Variants in SGSM2 observed in about 807,000 individuals in gnomAD.
SGSM2 encodes small G protein signaling modulator 2, also known as RUN and TBC1 domain containing 1.
SGSM2 carries 89 observed loss-of-function variants against 126.6 expected under a neutral mutation model. That is an observed-to-expected ratio of 0.70 (90% CI 0.59 to 0.84). The LOEUF is 0.84. SGSM2 is among the 40% of genes least tolerant of loss of function. SGSM2 has a pLI of 0.00. For missense variants in SGSM2, 1,404 were observed against 1,416.6 expected (o/e 0.99, Z 0.14); for synonymous variants, 614 against 574.3 (o/e 1.07, Z -0.99).
rs1248851396 is a variant in SGSM2, at chr17:2,371,459, A to G, written c.1577+44A>G. 2.6e-6 allele frequency: 4 copies of G among 1,547,472 alleles called. No individual in the cohort carries two copies. In the Admixed American group the frequency reaches 7.5e-5, roughly 29 times the overall value. On this transcript the variant is annotated intron_variant, in intron 13 of 23. Coordinates refer to ENST00000268989, the MANE Select transcript of SGSM2 (RefSeq NM_014853.3). The stretch of plus-strand genomic sequence containing the variant: ...GCCCCAGCTTCCCGTTAGCGTGTCC[A>G]GCCACGTGTGTGTCCGTCTGTCCTT...
rs551174935 is a variant in SGSM2 at position 2,364,318 on chromosome 17, C to T, written c.932+135C>T. The T allele has an allele frequency of 1.6e-4, 190 of 1,193,406 alleles. No homozygotes were observed. In the East Asian group the frequency reaches 3.5e-3, roughly 22 times the overall value. 73.9% of individuals were successfully genotyped at this position (1,193,406 alleles called of 1,614,324 possible). A position where few individuals can be genotyped will look rare whatever the true frequency, so the allele number is the denominator to read the frequency against. ...TTTGGACGCCAAGAATAGCAGGGAG[C>T]GGCTGCCTGGAGTGATTCCCAAGCT... is the stretch of plus-strand genomic sequence containing the variant. On this transcript the variant is annotated intron_variant, in intron 8 of 23. Coordinates refer to ENST00000268989, the MANE Select transcript of SGSM2 (RefSeq NM_014853.3).
At position 2,379,173 on chromosome 17, in the gene SGSM2, G is replaced by A. The variant is rs1485457625; in HGVS notation, c.3037G>A (p.Asp1013Asn). ...AGAGATCATCCGTGACAACAACATG[G>A]ACTTCACTGACATCATCAAGTTTTT... ...YREIIRDNNMDFTDIIKFFNE... is the reference protein window; with the variant it reads ...YREIIRDNNMNFTDIIKFFNE... Residue 1013 changes from aspartate to asparagine, a missense_variant, in exon 23 of 24, where the codon GAC becomes AAC. Transcript: ENST00000268989. The A allele has an allele frequency of 6.2e-7, 1 of 1,614,124 alleles. No homozygotes were observed. The highest frequency in any genetic ancestry group is 8.5e-7 in the Non-Finnish European group (1 of 1,180,014).
chr17:2,375,435 G>T, intron 17 of SGSM2, 57 bp from the exon 18 acceptor site: 1 of 1,539,478 alleles, frequency 6.5e-7, no homozygotes, highest in Non-Finnish European at 8.8e-7. Flanking sequence ...CGAGGAGGCG[G>T]TGGGCTGCGG....
intron 2 of SGSM2, among the ~76,000 whole-genome samples, chr17:2,357,958 G>A (rs536062397): frequency 2.6e-5 from 4 of 152,332 alleles, no homozygotes; most frequent in Middle Eastern, 6.8e-3. Flanking sequence ...CAGGGTGGCC[G>A]TAGCTGGTGC....
At chr17:2,345,771 C>T (rs778609631) in intron 2 of SGSM2, among the ~76,000 whole-genome samples, 3 of 152,046 alleles carry the variant, frequency 2.0e-5, no homozygotes, top group Admixed American at 2.0e-4. Flanking sequence ...CCAACAGTAT[C>T]GGGCTAAGTC....
In SGSM2 at chr17:2,337,939, C is replaced by T. The variant is rs2064155997; in HGVS notation, c.57+194C>T. Among the ~76,000 whole-genome samples the T allele has an allele frequency of 6.6e-6, 1 of 152,004 alleles. No homozygotes were observed. Among genetic ancestry groups the T allele is most frequent in the Admixed American group, 6.5e-5 (1 of 15,276 alleles). Reference sequence around the variant, plus strand: ...GCAGCGCCCCTCTGCCCGGGGGACCCGGCCGGCGCTCCCGGCTTGTTTGCT... The same window carrying T: ...GCAGCGCCCCTCTGCCCGGGGGACCTGGCCGGCGCTCCCGGCTTGTTTGCT... On this transcript the variant is annotated intron_variant, in intron 1 of 23. Coordinates refer to ENST00000268989, the MANE Select transcript of SGSM2 (RefSeq NM_014853.3). The surrounding 1 kb of genome is among the most constrained non-coding windows in gnomAD (Gnocchi z 5.1).
intron 2 of SGSM2, 60 bp downstream of exon 2, chr17:2,343,680 G>C (rs1237278199): frequency 3.3e-6 from 5 of 1,507,556 alleles, no homozygotes; most frequent in Non-Finnish European, 4.6e-6. Flanking sequence ...ACTGGCCTGG[G>C]GCCAGGAAAA....
chr17:2,354,339 C>A (rs890715480), intron 2 of SGSM2, among the ~76,000 whole-genome samples: 18 of 152,296 alleles, frequency 1.2e-4, no homozygotes, highest in Admixed American at 5.9e-4. Flanking sequence ...TGAGCCACCG[C>A]GCCCAGCCAA....
intron 2 of SGSM2, among the ~76,000 whole-genome samples, chr17:2,354,508 A>G (rs1051278165): frequency 6.6e-6 from 1 of 152,190 alleles, no homozygotes; most frequent in African/African-American, 2.4e-5. Flanking sequence ...GAGTTGCATG[A>G]TATTCTGCTA....
chr17:2,378,046 T>C lies in SGSM2; in HGVS notation c.2899+93T>C, dbSNP rs1337982402. Reference sequence around the variant, plus strand: ...ACAGTTCTCAATCCTAACTGGACCTTGGAACCACCTGGGGAGCTTTAAAAC... The same window carrying C: ...ACAGTTCTCAATCCTAACTGGACCTCGGAACCACCTGGGGAGCTTTAAAAC... On this transcript the variant is annotated intron_variant, in intron 22 of 23. Transcript: ENST00000268989. 4 of 770,762 alleles carry C rather than the reference T, an allele frequency of 5.2e-6. No homozygotes were observed. In the East Asian group the frequency reaches 1.1e-4, roughly 21 times the overall value. The allele number at this position is 770,762 out of a possible 1,614,324, so 47.7% of individuals were successfully genotyped here. A position where few individuals can be genotyped will look rare whatever the true frequency, so the allele number is the denominator to read the frequency against.
At position 2,363,945 on chromosome 17, in the gene SGSM2, C is replaced by G. The variant is rs991593973; in HGVS notation, c.808-114C>G. The G allele has an allele frequency of 1.5e-6, 2 of 1,335,394 alleles. No individual in the cohort carries two copies. The highest frequency in any genetic ancestry group is 2.1e-6 in the Non-Finnish European group (2 of 946,700). 82.7% of individuals were successfully genotyped at this position (1,335,394 alleles called of 1,614,324 possible). On this transcript the variant is annotated intron_variant, in intron 7 of 23. Coordinates refer to ENST00000268989, the MANE Select transcript of SGSM2 (RefSeq NM_014853.3). The surrounding 1 kb of genome is among the most constrained non-coding windows in gnomAD (Gnocchi z 4.2). ...CTGCCCCGTCCCTAGTCCAGGACCC[C>G]GTGACTAGCCTAGCTTGGCCTCCCC...
At chr17:2,378,631 G>A (rs886080082) in intron 22 of SGSM2, among the ~76,000 whole-genome samples, 1 of 152,188 alleles carries the variant, frequency 6.6e-6, no homozygotes. Context: ...AACTCTCATA[G>A]ATCATAGTTT....
intron 11 of SGSM2, among the ~76,000 whole-genome samples, chr17:2,365,736 A>G (rs904127657): frequency 5.3e-4 from 78 of 148,026 alleles, no homozygotes; most frequent in South Asian, 1.1e-3. Flanking sequence ...GTATGGGACC[A>G]GCGCTACTTT....
intron 8 of SGSM2, 187 bp from the exon 9 acceptor site, chr17:2,364,409 C>T (rs924498883): frequency 2.2e-5 from 18 of 812,184 alleles, no homozygotes; most frequent in Middle Eastern, 2.7e-4. Flanking sequence ...GCGGCTGAGA[C>T]GGACAGCTGT....
intron 12 of SGSM2, among the ~76,000 whole-genome samples, chr17:2,368,966 C>T (rs1308125845): frequency 6.6e-6 from 1 of 152,204 alleles, no homozygotes; most frequent in East Asian, 1.9e-4. Flanking sequence ...GGGCTGAGGC[C>T]TCCGGGATCA....
Position 2,380,455 on chromosome 17 carries a change from C to A in SGSM2, c.*935C>A. On this transcript the variant is annotated 3_prime_UTR_variant, in exon 24 of 24. Coordinates refer to ENST00000268989, the MANE Select transcript of SGSM2 (RefSeq NM_014853.3). ...TCTGTCGCAGACATCTGCCATGTCC[C>A]TGAGACTGCGGGAGGCAGGGGATGC... The A allele has an allele frequency of 1.3e-6, 1 of 745,316 alleles. No homozygotes were observed. Among genetic ancestry groups the A allele is most frequent in the South Asian group, 1.7e-5 (1 of 59,970 alleles). 46.2% of individuals were successfully genotyped at this position (745,316 alleles called of 1,614,324 possible).
At chr17:2,353,412 A>T (rs1011059930) in intron 2 of SGSM2, among the ~76,000 whole-genome samples, 14 of 152,098 alleles carry the variant, frequency 9.2e-5, no homozygotes, top group Admixed American at 3.9e-4. Flanking sequence ...CAATTATTAT[A>T]ATTAATTTTG....
intron 2 of SGSM2, among the ~76,000 whole-genome samples, chr17:2,349,247 A>G (rs913474458): frequency 3.6e-4 from 55 of 152,256 alleles, no homozygotes; most frequent in Middle Eastern, 3.4e-3. Flanking sequence ...ATCATGGTGC[A>G]CGCCTGTAAT....
At chr17:2,364,741 G>A in intron 9 of SGSM2, 78 bp downstream of exon 9, 1 of 1,573,276 alleles carries the variant, frequency 6.4e-7, no homozygotes, top group Non-Finnish European at 8.7e-7. Context: ...CGTGGGGCCT[G>A]TAAGACTCCT....
Sources: gnomAD v4.1 joint callset for allele counts (sites outside exome capture counted in the v4.1 genomes callset) on GRCh38, gnomAD v4.1.1 for gene constraint, Gnocchi (gnomAD v3.1) non-coding constraint, MANE v1.5 for transcripts, NCBI Gene and HGNC (gene_info 2026-07-23, HGNC 2026-07-21) for gene names.